The following PAN3 variants were observed in gnomAD, a reference collection of about 807,000 sequenced individuals.
PAN3 encodes the protein poly(A) specific ribonuclease subunit PAN3, also known as PAN2-PAN3 deadenylation complex subunit PAN3.
In PAN3, 19 loss-of-function variants were observed where a neutral mutation model predicts 96.2. The ratio of observed to expected loss-of-function variants is 0.20; its 90% confidence interval spans 0.14 to 0.29. PAN3 has a LOEUF of 0.29. Among genes scored for constraint, PAN3 ranks in the 10% least tolerant of loss-of-function variants. PAN3 has a pLI of 1.00. For synonymous variants in PAN3, 433 were observed against 406.6 expected (o/e 1.06, Z -0.78); for missense variants, 882 against 1,108.1 (o/e 0.80, Z 2.90).
chr13:28,199,765 A>G (rs1411556702), intron 5 of PAN3, among the ~76,000 whole-genome samples: 1 of 152,132 alleles, frequency 6.6e-6, no homozygotes, highest in Non-Finnish European at 1.5e-5. Context: ...ATTAGAAAGT[A>G]TTTTTAATAT....
At chr13:28,256,591 C>G (rs1885162572) in intron 7 of PAN3, 52 bp downstream of exon 7, 1 of 1,541,272 alleles carries the variant, frequency 6.5e-7, no homozygotes, top group Non-Finnish European at 8.8e-7. Flanking sequence ...ACAGGACCTT[C>G]TTAGTTGTGA....
Position 28,293,159 on chromosome 13 carries a change from G to A in PAN3, c.*637G>A, listed in dbSNP as rs975638860. On this transcript the variant is annotated 3_prime_UTR_variant, in exon 19 of 19. Transcript: ENST00000380958. Reference sequence around the variant, plus strand: ...GTGAATTGTTGGATATGAATTCCCTGTTAGTTGATTTAAATCCTTTCTGAA... The same window carrying A: ...GTGAATTGTTGGATATGAATTCCCTATTAGTTGATTTAAATCCTTTCTGAA... The A allele has an allele frequency of 8.5e-5, 13 of 152,112 alleles. No homozygotes were observed. Among genetic ancestry groups the A allele is most frequent in the African/African-American group, 2.9e-4 (12 of 41,424 alleles). 9.4% of individuals were successfully genotyped at this position (152,112 alleles called of 1,614,324 possible).
At chr13:28,214,302 A>C (rs1880457200) in intron 5 of PAN3, among the ~76,000 whole-genome samples, 2 of 152,238 alleles carry the variant, frequency 1.3e-5, no homozygotes, top group Non-Finnish European at 2.9e-5. Flanking sequence ...GTAATAGCCA[A>C]AACTTGGAAA....
chr13:28,258,282 G>A (rs554536686), intron 7 of PAN3, among the ~76,000 whole-genome samples: 4 of 152,068 alleles, frequency 2.6e-5, no homozygotes, highest in African/African-American at 7.2e-5. Context: ...AGCTGAATTC[G>A]TTTTTAAAAG....
In PAN3 at chr13:28,261,511, G is replaced by T. The variant is rs371528264; in HGVS notation, c.1411+53G>T. 2.9e-4 allele frequency: 432 copies of T among 1,493,524 alleles called. 4 individuals carry two copies. The South Asian group carries it at 4.5e-3, about 16-fold the overall frequency. 92.5% of individuals were successfully genotyped at this position (1,493,524 alleles called of 1,614,324 possible). On this transcript the variant is annotated intron_variant, in intron 9 of 18. Transcript: ENST00000380958. Reference sequence around the variant, plus strand: ...TTTTAAAGGCTGTTATAATTCTTACGTGGTAGTACATGTTTTATGCATTAT... The same window carrying T: ...TTTTAAAGGCTGTTATAATTCTTACTTGGTAGTACATGTTTTATGCATTAT...
chr13:28,270,600 C>A, intron 12 of PAN3, 101 bp from the exon 13 acceptor site: 1 of 1,180,800 alleles, frequency 8.5e-7, no homozygotes, highest in Non-Finnish European at 1.2e-6. Context: ...CATGTTGTGC[C>A]ATGAGTGTAC....
intron 4 of PAN3, among the ~76,000 whole-genome samples, chr13:28,184,823 G>T (rs943306022): frequency 6.6e-6 from 1 of 151,604 alleles, no homozygotes; most frequent in Non-Finnish European, 1.5e-5. Context: ...ATTTCCTATT[G>T]GGCTATTTTT....
intron 4 of PAN3, among the ~76,000 whole-genome samples, chr13:28,193,108 A>G (rs1877497111): frequency 2.0e-5 from 3 of 152,208 alleles, no homozygotes; most frequent in South Asian, 2.1e-4. Flanking sequence ...AATAATCTCA[A>G]TGTTTTAAGA....
chr13:28,203,807 C>CTT (rs767439908), intron 5 of PAN3, among the ~76,000 whole-genome samples: 10 of 139,842 alleles, frequency 7.2e-5, no homozygotes, highest in Non-Finnish European at 1.1e-4. Flanking sequence ...TTTTTCTTTT[C>CTT]TTTTTTTTTT....
At chr13:28,176,703 A>C in intron 3 of PAN3, 144 bp downstream of exon 3, 1 of 808,512 alleles carries the variant, frequency 1.2e-6, no homozygotes, top group Non-Finnish European at 1.9e-6. Flanking sequence ...ACTCAGATCT[A>C]ACTATTGAGA....
rs778399700 is a variant in PAN3, at chr13:28,212,651, TAAG to T, written c.853-7577_853-7575del. ...CAGGAGTGAAACATATATACATAGATAAGAAATCCAAATCAGACTTTGAAAGTT... is the reference window on the plus strand; with the variant it reads ...CAGGAGTGAAACATATATACATAGATAAATCCAAATCAGACTTTGAAAGTT... On this transcript the variant is annotated intron_variant, in intron 5 of 18. Transcript: ENST00000380958. Among the ~76,000 whole-genome samples the T allele has an allele frequency of 6.2e-4, 94 of 152,268 alleles. 1 individual carries two copies. The highest frequency in any genetic ancestry group is 6.9e-4 in the Non-Finnish European group (47 of 68,010).
intron 1 of PAN3, among the ~76,000 whole-genome samples, chr13:28,144,589 A>C (rs1870356693): frequency 2.0e-5 from 3 of 151,942 alleles, no homozygotes; most frequent in Admixed American, 2.0e-4. Context: ...CAAATAAAGC[A>C]CTTTTTCCTG....
At chr13:28,209,879 C>T (rs1229894988) in intron 5 of PAN3, among the ~76,000 whole-genome samples, 3 of 152,084 alleles carry the variant, frequency 2.0e-5, no homozygotes, top group African/African-American at 4.8e-5. Flanking sequence ...CTTCTGGGCT[C>T]AAGTCATCCT....
intron 17 of PAN3, among the ~76,000 whole-genome samples, chr13:28,286,809 A>T (rs1869036343): frequency 6.6e-6 from 1 of 152,230 alleles, no homozygotes; most frequent in Non-Finnish European, 1.5e-5. Context: ...CCTTGGAGTG[A>T]CCTTTGCAAA....
chr13:28,151,145 G>A (rs891858366), intron 1 of PAN3, among the ~76,000 whole-genome samples: 1 of 152,146 alleles, frequency 6.6e-6, no homozygotes, highest in African/African-American at 2.4e-5. Flanking sequence ...AGGTTGGTGT[G>A]GAGTGAGGAA....
intron 5 of PAN3, among the ~76,000 whole-genome samples, chr13:28,212,383 G>A (rs937824608): frequency 6.6e-6 from 1 of 151,988 alleles, no homozygotes; most frequent in Non-Finnish European, 1.5e-5. Flanking sequence ...AGAGAGCAAA[G>A]GTCAAGAAGA....
chr13:28,204,645 C>T (rs559915726), intron 5 of PAN3, among the ~76,000 whole-genome samples: 95 of 152,094 alleles, frequency 6.2e-4, no homozygotes, highest in African/African-American at 2.2e-3. Flanking sequence ...AAAATAAATG[C>T]TTTTTTTGAA....
At chr13:28,216,060 A>G (rs931809982) in intron 5 of PAN3, among the ~76,000 whole-genome samples, 1 of 151,560 alleles carries the variant, frequency 6.6e-6, no homozygotes, top group Non-Finnish European at 1.5e-5. Context: ...TTTGTGAACT[A>G]CTTCATTTTT....
intron 5 of PAN3, among the ~76,000 whole-genome samples, chr13:28,216,897 CT>C (rs1366759119): frequency 1.3e-5 from 2 of 151,772 alleles, no homozygotes; most frequent in African/African-American, 2.4e-5. Flanking sequence ...GGGCAGATCT[CT>C]TGAGGTCAGG....
Sources: allele counts gnomAD v4.1 joint callset (sites outside exome capture counted in the v4.1 genomes callset), GRCh38; gene constraint gnomAD v4.1.1; transcripts MANE v1.5; gene names NCBI Gene and HGNC (gene_info 2026-07-23, HGNC 2026-07-21).